Variants in COL21A1 observed in about 807,000 individuals in gnomAD.
COL21A1 encodes the protein collagen alpha-1(XXI) chain.
COL21A1 carries 149 observed loss-of-function variants against 137.9 expected under a neutral mutation model. That is an observed-to-expected ratio of 1.08 (90% CI 0.95 to 1.24). COL21A1 has a LOEUF of 1.24. COL21A1 is among the 50% of genes most tolerant of loss of function. COL21A1 has a pLI of 0.00. For synonymous variants in COL21A1, 456 were observed against 391.5 expected (o/e 1.16, Z -1.95); for missense variants, 1,167 against 1,158.4 (o/e 1.01, Z -0.11).
chr6:56,338,077 C>G (rs1474072442), intron 1 of COL21A1, among the ~76,000 whole-genome samples: 1 of 151,258 alleles, frequency 6.6e-6, no homozygotes, highest in East Asian at 2.0e-4. Context: ...ATTCTCCTGC[C>G]TCATCCTCCC....
chr6:56,153,883 A>C (rs905076644), intron 10 of COL21A1, among the ~76,000 whole-genome samples: 3 of 151,938 alleles, frequency 2.0e-5, no homozygotes, highest in Non-Finnish European at 4.4e-5. Context: ...TCTCTTCTCT[A>C]TTTATTTGTA....
chr6:56,162,481 G>T (rs777907424), intron 9 of COL21A1, among the ~76,000 whole-genome samples: 6 of 152,128 alleles, frequency 3.9e-5, no homozygotes, highest in Non-Finnish European at 8.8e-5. Context: ...TAAAAATTTC[G>T]TGTAGAAAGT....
chr6:56,344,994 C>T (rs1039949424), intron 1 of COL21A1, among the ~76,000 whole-genome samples: 5 of 152,156 alleles, frequency 3.3e-5, no homozygotes, highest in Non-Finnish European at 5.9e-5. Flanking sequence ...CAAGGATGGA[C>T]TCATACAAGT....
chr6:56,098,696 AAT>A (rs1260833499), intron 17 of COL21A1, among the ~76,000 whole-genome samples: 2 of 44,602 alleles, frequency 4.5e-5, no homozygotes, highest in East Asian at 4.4e-4. Flanking sequence ...TAAATATATA[AAT>A]ATATATATAA....
At chr6:56,185,757 C>T (rs1778246856) in intron 1 of COL21A1, among the ~76,000 whole-genome samples, 1 of 152,126 alleles carries the variant, frequency 6.6e-6, no homozygotes, top group Non-Finnish European at 1.5e-5. Context: ...TTGAAAAACA[C>T]TATTTATTGA....
At chr6:56,151,310 A>G (rs998762261) in intron 10 of COL21A1, among the ~76,000 whole-genome samples, 2 of 152,210 alleles carry the variant, frequency 1.3e-5, no homozygotes, top group Non-Finnish European at 1.5e-5. Flanking sequence ...ATAAACTTCT[A>G]TAAACTCATA....
chr6:56,267,388 C>A (rs1469411023), intron 1 of COL21A1, among the ~76,000 whole-genome samples: 1 of 152,140 alleles, frequency 6.6e-6, no homozygotes, highest in Non-Finnish European at 1.5e-5. Flanking sequence ...ATGAGCCCAG[C>A]AACTTGAGAA....
intron 1 of COL21A1, among the ~76,000 whole-genome samples, chr6:56,242,535 A>G (rs1782396263): frequency 6.6e-6 from 1 of 152,198 alleles, no homozygotes; most frequent in Non-Finnish European, 1.5e-5. Flanking sequence ...AGACAAGTCC[A>G]AACAAAAACT....
intron 1 of COL21A1, among the ~76,000 whole-genome samples, chr6:56,300,487 A>T (rs1764255419): frequency 6.6e-6 from 1 of 152,160 alleles, no homozygotes; most frequent in Non-Finnish European, 1.5e-5. Flanking sequence ...AAAACTGGGT[A>T]AATTGCTCAT....
intron 1 of COL21A1, among the ~76,000 whole-genome samples, chr6:56,301,368 A>G (rs1562046003): frequency 6.6e-6 from 1 of 152,200 alleles, no homozygotes; most frequent in African/African-American, 2.4e-5. Flanking sequence ...CATTCTCTAG[A>G]AGCTGAAAAG....
At chr6:56,161,025 A>G (rs1469131035) in intron 9 of COL21A1, among the ~76,000 whole-genome samples, 1 of 152,124 alleles carries the variant, frequency 6.6e-6, no homozygotes, top group Non-Finnish European at 1.5e-5. Context: ...CCCTGAATCT[A>G]GGAGGACTCT....
At chr6:56,135,478 G>A (rs1210301796) in intron 12 of COL21A1, among the ~76,000 whole-genome samples, 1 of 151,892 alleles carries the variant, frequency 6.6e-6, no homozygotes, top group Non-Finnish European at 1.5e-5. Context: ...AGAATGTGAG[G>A]AAAGATATTC....
At chr6:56,315,781 T>C (rs1159727195) in intron 1 of COL21A1, among the ~76,000 whole-genome samples, 1 of 149,200 alleles carries the variant, frequency 6.7e-6, no homozygotes, top group Non-Finnish European at 1.5e-5. Context: ...CTATTCCCCA[T>C]GAAAAGGAAC....
At chr6:56,188,635 C>T (rs2152287989) in intron 1 of COL21A1, among the ~76,000 whole-genome samples, 1 of 152,328 alleles carries the variant, frequency 6.6e-6, no homozygotes, top group Non-Finnish European at 1.5e-5. Context: ...TCGAGCTCTG[C>T]TAAGGGTCGG....
At chr6:56,383,970 G>C (rs2094013095) in intron 1 of COL21A1, among the ~76,000 whole-genome samples, 1 of 149,116 alleles carries the variant, frequency 6.7e-6, no homozygotes, top group Non-Finnish European at 1.5e-5. Context: ...CAAATCCAAA[G>C]ATGTGAGAAA....
At chr6:56,171,453 C>G (rs1777050022) in intron 3 of COL21A1, among the ~76,000 whole-genome samples, 1 of 151,690 alleles carries the variant, frequency 6.6e-6, no homozygotes, top group Non-Finnish European at 1.5e-5. Flanking sequence ...CAATATAACA[C>G]CTATGGAAAA....
intron 9 of COL21A1, among the ~76,000 whole-genome samples, chr6:56,161,563 G>A (rs530073436): frequency 4.6e-5 from 7 of 152,266 alleles, no homozygotes; most frequent in African/African-American, 1.7e-4. Context: ...AGACTGGAGT[G>A]CCAAAGGAGA....
At chr6:56,300,137 G>A (rs138174879) in intron 1 of COL21A1, among the ~76,000 whole-genome samples, 2,941 of 152,086 alleles carry the variant, frequency 0.019, 52 homozygotes, top group Non-Finnish European at 0.033. Flanking sequence ...AAAATGTGCC[G>A]GAAGCCAACA....
Position 56,238,946 on chromosome 6 carries a change from C to T in COL21A1, c.-39+8441G>A, listed in dbSNP as rs150461280. The stretch of plus-strand genomic sequence containing the variant: ...GTTTATGTGCATTGTTTTATTTAAA[C>T]CTTCTGACCATACTATGAAGTAGGT... On this transcript the variant is annotated intron_variant, in intron 1 of 29. Transcript: ENST00000244728. 3.8e-3 allele frequency among the ~76,000 whole-genome samples: 579 copies of T among 152,242 alleles called. 5 individuals are homozygous for T. The highest frequency in any genetic ancestry group is 0.013 in the African/African-American group (550 of 41,542).
Sources: gnomAD v4.1 joint callset for allele counts (sites outside exome capture counted in the v4.1 genomes callset) on GRCh38, gnomAD v4.1.1 for gene constraint, MANE v1.5 for transcripts, NCBI Gene and HGNC (gene_info 2026-07-23, HGNC 2026-07-21) for gene names.